The following SAXO1 variants were observed in gnomAD, a reference collection of about 807,000 sequenced individuals.
SAXO1 encodes the protein stabilizer of axonemal microtubules 1.
A neutral mutation model predicts 17.5 loss-of-function variants in SAXO1; 21 were observed. The ratio of observed to expected loss-of-function variants is 1.20; its 90% CI spans 0.85 to 1.72. The LOEUF is 1.72. Among genes scored for constraint, SAXO1 ranks in the 40% most tolerant of loss-of-function variants. The pLI, the probability that SAXO1 is intolerant of heterozygous loss-of-function variation, is 0.00. For synonymous variants in SAXO1, 274 were observed against 216.5 expected, an observed-to-expected ratio of 1.27 and a Z score of -2.33; for missense variants, 843 against 596.0, an observed-to-expected ratio of 1.41 and a Z score of -4.32.
At chr9:18,932,318 T>C (rs879103147) in intron 3 of SAXO1, among the ~76,000 whole-genome samples, 1 of 152,242 alleles carries the variant, frequency 6.6e-6, no homozygotes, top group African/African-American at 2.4e-5. Context: ...CTAGGCATCT[T>C]TGTGAGAAGT....
rs575855900 is a variant in SAXO1, at chr9:19,045,316, C to CAAAAAA, written c.-158+3887_-158+3892dup. 4.7e-4 allele frequency among the ~76,000 whole-genome samples: 42 copies of CAAAAAA among 89,330 alleles called. 2 individuals carry two copies. The highest frequency in any genetic ancestry group is 2.6e-3 in the East Asian group (5 of 1,898). 58.6% of individuals were successfully genotyped at this position (89,330 alleles called of 152,430 possible). A position where few individuals can be genotyped will look rare whatever the true frequency, so the allele number is the denominator to read the frequency against. On this transcript the variant is annotated intron_variant, in intron 1 of 3. Coordinates refer to the SAXO1 transcript ENST00000542071. ...TGGGCGACAGAGCGAGACTCCGTCTCAAAAAAAAAAAAAAAAAAAAAAAAA... is the reference window on the plus strand; with the variant it reads ...TGGGCGACAGAGCGAGACTCCGTCTCAAAAAAAAAAAAAAAAAAAAAAAAAAAAAAA...
chr9:18,977,993 C>CAAAA (rs371914686), intron 1 of SAXO1, among the ~76,000 whole-genome samples: 52 of 98,650 alleles, frequency 5.3e-4, no homozygotes, highest in African/African-American at 9.3e-4. Context: ...GAGACCCTGC[C>CAAAA]AAAAAAAAAA....
At chr9:18,972,609 G>A (rs1253052780) in intron 1 of SAXO1, among the ~76,000 whole-genome samples, 2 of 152,056 alleles carry the variant, frequency 1.3e-5, no homozygotes, top group Admixed American at 1.3e-4. Context: ...AACAGTCTAG[G>A]GCTACAAAGG....
intron 1 of SAXO1, among the ~76,000 whole-genome samples, chr9:18,967,555 C>G (rs1207683011): frequency 6.6e-6 from 1 of 152,184 alleles, no homozygotes; most frequent in Non-Finnish European, 1.5e-5. Flanking sequence ...AAGGGGAAAA[C>G]TACGTACTCA....
At chr9:18,999,274 A>C (rs1464632503) in intron 1 of SAXO1, among the ~76,000 whole-genome samples, 1 of 152,238 alleles carries the variant, frequency 6.6e-6, no homozygotes, top group Non-Finnish European at 1.5e-5. Context: ...GGATCTGAGG[A>C]GTGCCTCTGC....
At chr9:19,004,967 C>G (rs1025603227) in intron 1 of SAXO1, among the ~76,000 whole-genome samples, 2 of 152,094 alleles carry the variant, frequency 1.3e-5, no homozygotes, top group African/African-American at 2.4e-5. Context: ...AAAACCAACA[C>G]ACTAAAATCA....
chr9:19,006,001 G>A (rs1178228673), intron 1 of SAXO1, among the ~76,000 whole-genome samples: 6 of 151,938 alleles, frequency 3.9e-5, no homozygotes, highest in Admixed American at 3.3e-4. Context: ...ATATACAAAC[G>A]GCAAAAAGGA....
At chr9:19,014,518 A>C (rs1834889153) in intron 1 of SAXO1, among the ~76,000 whole-genome samples, 1 of 151,936 alleles carries the variant, frequency 6.6e-6, no homozygotes, top group South Asian at 2.1e-4. Flanking sequence ...AAAAATTGGC[A>C]AAATTGCCTG....
intron 1 of SAXO1, among the ~76,000 whole-genome samples, chr9:18,994,919 T>C (rs769586661): frequency 7.9e-5 from 12 of 152,224 alleles, no homozygotes; most frequent in Non-Finnish European, 1.5e-4. Flanking sequence ...CAAGACATGT[T>C]TGAACATTCT....
Position 18,941,755 on chromosome 9 carries a change from C to G in SAXO1, c.303G>C (p.Leu101Phe). The G allele has an allele frequency of 6.2e-7, 1 of 1,614,170 alleles. No individual in the cohort carries two copies. The highest frequency in any genetic ancestry group is 8.5e-7 in the Non-Finnish European group (1 of 1,180,020). ...TGTAATCTTTCTTATACGTCGTGAG[C>G]AAATCCATATTCTCTTCACTCGGGA... ...QFVPSEENMD[L>F]LTTYKKDYNP... The change falls in exon 3 of 4, where the codon TTG becomes TTC. Residue 101 changes from leucine (L) to phenylalanine (F), a missense_variant. Physicochemically the swap from Leu to Phe is conservative, Grantham distance 22. Coordinates refer to ENST00000380534, the MANE Select transcript of SAXO1 (RefSeq NM_153707.4).
chr9:19,017,702 A>G (rs1200866099), intron 1 of SAXO1, among the ~76,000 whole-genome samples: 2 of 152,278 alleles, frequency 1.3e-5, no homozygotes, highest in East Asian at 3.8e-4. Flanking sequence ...CCTGAATAAT[A>G]TAACCATTCC....
chr9:18,979,035 C>A (rs1833263989), intron 1 of SAXO1, among the ~76,000 whole-genome samples: 1 of 152,170 alleles, frequency 6.6e-6, no homozygotes, highest in Admixed American at 6.5e-5. Flanking sequence ...TGCTTTTACT[C>A]TTCACAAATA....
chr9:19,044,812 G>A (rs1257007150), intron 1 of SAXO1, among the ~76,000 whole-genome samples: 8 of 151,756 alleles, frequency 5.3e-5, no homozygotes, highest in African/African-American at 1.7e-4. Flanking sequence ...GCAGTGAGCC[G>A]AGATGGCGCC....
At chr9:18,976,638 C>G (rs569921112) in intron 1 of SAXO1, among the ~76,000 whole-genome samples, 1 of 151,304 alleles carries the variant, frequency 6.6e-6, no homozygotes, top group Admixed American at 6.6e-5. Context: ...GACTTTCATC[C>G]GCACTCTTTA....
intron 1 of SAXO1, among the ~76,000 whole-genome samples, chr9:18,975,972 T>C (rs770045288): frequency 2.0e-5 from 3 of 152,214 alleles, no homozygotes; most frequent in East Asian, 1.9e-4. Context: ...CTTTAGCACC[T>C]CGGCACTACT....
intron 1 of SAXO1, among the ~76,000 whole-genome samples, chr9:19,044,905 G>GCC (rs1256654880): frequency 1.3e-5 from 2 of 152,102 alleles, no homozygotes; most frequent in East Asian, 3.9e-4. Flanking sequence ...AGTAGGGAAA[G>GCC]CCAAGGAGCA....
intron 1 of SAXO1, among the ~76,000 whole-genome samples, chr9:19,019,441 ACTTCGG>A (rs1404804943): frequency 5.4e-4 from 82 of 152,062 alleles, no homozygotes; most frequent in Non-Finnish European, 4.7e-4. Context: ...GAAAAAGTAT[ACTTCGG>A]CCGGACAAGG....
At chr9:18,952,079 C>T (rs1832060459) in intron 1 of SAXO1, among the ~76,000 whole-genome samples, 1 of 152,166 alleles carries the variant, frequency 6.6e-6, no homozygotes, top group African/African-American at 2.4e-5. Flanking sequence ...TATTTACTTA[C>T]TACTTACAGC....
upstream of SAXO1, among the ~76,000 whole-genome samples, chr9:19,037,969 C>A (rs534188895): frequency 5.3e-5 from 8 of 152,084 alleles, no homozygotes; most frequent in Non-Finnish European, 1.2e-4. Flanking sequence ...AATGAAAGGA[C>A]AAAGAATAAG....
Sources: allele counts gnomAD v4.1 joint callset (sites outside exome capture counted in the v4.1 genomes callset), GRCh38; gene constraint gnomAD v4.1.1; transcripts MANE v1.5; gene names NCBI Gene and HGNC (gene_info 2026-07-23, HGNC 2026-07-21).